The following DLG2 variants were observed in gnomAD, a reference collection of about 807,000 sequenced individuals.
DLG2 encodes disks large homolog 2.
A neutral mutation model predicts 132.5 loss-of-function variants in DLG2; 45 were observed. That is an observed-to-expected ratio of 0.34 (90% confidence interval 0.27 to 0.44). DLG2 has a LOEUF of 0.44. Among genes scored for constraint, DLG2 ranks in the 20% least tolerant of loss-of-function variants. DLG2 has a pLI of 1.00. For synonymous variants in DLG2, 424 were observed against 419.6 expected, an observed-to-expected ratio of 1.01 and a Z score of -0.13; for missense variants, 1,045 against 1,196.9, an observed-to-expected ratio of 0.87 and a Z score of 1.87.
intron 4 of DLG2, among the ~76,000 whole-genome samples, chr11:85,277,935 T>C (rs1268999139): frequency 6.6e-6 from 1 of 152,182 alleles, no homozygotes; most frequent in Non-Finnish European, 1.5e-5. Flanking sequence ...TGCCCCAGCA[T>C]AGCTGATAAT....
chr11:84,342,475 G>A (rs2098519736), intron 7 of DLG2, among the ~76,000 whole-genome samples: 1 of 152,202 alleles, frequency 6.6e-6, no homozygotes, highest in African/African-American at 2.4e-5. Flanking sequence ...CAGAGGTGGA[G>A]TGGAGAGTAC....
At position 84,361,328 on chromosome 11, in the gene DLG2, AAGC is replaced by A. The variant is rs200013375; in HGVS notation, c.520-110040_520-110038del. Reference sequence around the variant, plus strand: ...CCAAAGACAAAGTGAAAAATTTCAAAAGCAGCCAGAAAAGAAAAAGCTTACTTT... The same window carrying A: ...CCAAAGACAAAGTGAAAAATTTCAAAAGCCAGAAAAGAAAAAGCTTACTTT... On this transcript the variant is annotated intron_variant, in intron 7 of 27. Transcript: ENST00000376104. Among the ~76,000 whole-genome samples the A allele has an allele frequency of 7.7e-3, 1,170 of 152,070 alleles. 13 individuals are homozygous for A. Among genetic ancestry groups the A allele is most frequent in the Middle Eastern group, 0.014 (4 of 294 alleles).
At chr11:84,647,932 T>C (rs1237666496) in intron 6 of DLG2, among the ~76,000 whole-genome samples, 1 of 152,222 alleles carries the variant, frequency 6.6e-6, no homozygotes, top group Non-Finnish European at 1.5e-5. Context: ...TACCATGTGA[T>C]AGTTATGGTG....
At chr11:85,373,057 C>A (rs777336928) in intron 3 of DLG2, among the ~76,000 whole-genome samples, 1 of 152,176 alleles carries the variant, frequency 6.6e-6, no homozygotes, top group Non-Finnish European at 1.5e-5. Context: ...CCCTCAGATG[C>A]ATCCTCCAAA....
intron 17 of DLG2, among the ~76,000 whole-genome samples, chr11:83,807,605 A>G (rs1420145696): frequency 6.6e-6 from 1 of 152,132 alleles, no homozygotes; most frequent in Admixed American, 6.6e-5. Flanking sequence ...TCAGGAGAAC[A>G]GAAAAGAAAA....
intron 3 of DLG2, among the ~76,000 whole-genome samples, chr11:85,505,346 T>G (rs1487597206): frequency 6.6e-6 from 1 of 152,214 alleles, no homozygotes; most frequent in African/African-American, 2.4e-5. Flanking sequence ...AGTATGATAT[T>G]GGCTGTGGGT....
At chr11:83,825,890 C>T (rs553155625) in intron 17 of DLG2, among the ~76,000 whole-genome samples, 1 of 152,184 alleles carries the variant, frequency 6.6e-6, no homozygotes, top group Admixed American at 6.5e-5. Context: ...GGATGGGTGC[C>T]AGGGTTATGC....
chr11:84,902,208 A>G (rs2154071192), intron 6 of DLG2, among the ~76,000 whole-genome samples: 1 of 152,276 alleles, frequency 6.6e-6, no homozygotes, highest in African/African-American at 2.4e-5. Context: ...ATACTTGCTT[A>G]CAGTTACTAC....
At chr11:83,749,320 C>G (rs1401447400) in intron 18 of DLG2, among the ~76,000 whole-genome samples, 1 of 152,200 alleles carries the variant, frequency 6.6e-6, no homozygotes, top group Non-Finnish European at 1.5e-5. Context: ...TCCATTCAAA[C>G]TGCTCAAGCT....
intron 6 of DLG2, among the ~76,000 whole-genome samples, chr11:84,606,900 C>T (rs1275327712): frequency 6.6e-6 from 1 of 152,068 alleles, no homozygotes; most frequent in East Asian, 1.9e-4. Flanking sequence ...TTCCCTGGAC[C>T]CTCGCATGTA....
At chr11:84,688,701 G>A (rs11234129) in intron 6 of DLG2, among the ~76,000 whole-genome samples, 4,176 of 152,198 alleles carry the variant, frequency 0.027, 77 homozygotes, top group Non-Finnish European at 0.042. Flanking sequence ...TGCCTATAAT[G>A]TGCATCCTAC....
At chr11:83,666,861 T>C (rs1003540282) in intron 18 of DLG2, among the ~76,000 whole-genome samples, 11 of 152,128 alleles carry the variant, frequency 7.2e-5, no homozygotes, top group Non-Finnish European at 1.6e-4. Context: ...CTAGTTCTCA[T>C]CCAACCTCTA....
intron 6 of DLG2, among the ~76,000 whole-genome samples, chr11:84,948,882 A>G (rs2050568157): frequency 6.6e-6 from 1 of 152,188 alleles, no homozygotes; most frequent in Non-Finnish European, 1.5e-5. Context: ...TTGCTGCACA[A>G]TTTAAATGAG....
intron 9 of DLG2, among the ~76,000 whole-genome samples, chr11:84,146,269 G>A (rs1382202753): frequency 6.6e-6 from 1 of 152,114 alleles, no homozygotes; most frequent in Non-Finnish European, 1.5e-5. Flanking sequence ...TTACTCCATG[G>A]TGAAAGACAT....
chr11:83,899,971 T>TG (rs1318617433), intron 15 of DLG2, among the ~76,000 whole-genome samples: 1 of 152,176 alleles, frequency 6.6e-6, no homozygotes, highest in African/African-American at 2.4e-5. Flanking sequence ...GATAGTGATA[T>TG]GGACAAGAAA....
At chr11:83,838,407 GTGAAA>G (rs2056780683) in intron 16 of DLG2, among the ~76,000 whole-genome samples, 1 of 152,164 alleles carries the variant, frequency 6.6e-6, no homozygotes, top group Admixed American at 6.5e-5. Flanking sequence ...GTTTAGATTA[GTGAAA>G]TGAGACTACT....
chr11:84,811,383 A>G (rs115664861), intron 6 of DLG2, among the ~76,000 whole-genome samples: 153 of 152,326 alleles, frequency 1.0e-3, no homozygotes, highest in African/African-American at 3.3e-3. Flanking sequence ...AGAAAGTGCA[A>G]TAAGGACCTC....
rs868036142 is a variant in DLG2 at position 85,381,605 on chromosome 11, G to T, written c.41-96240C>A. Among the ~76,000 whole-genome samples the T allele has an allele frequency of 2.6e-5, 4 of 151,760 alleles. No individual in the cohort carries two copies. The South Asian group carries it at 8.3e-4, about 32-fold the overall frequency. On this transcript the variant is annotated intron_variant, in intron 3 of 27. Transcript: ENST00000376104. The stretch of plus-strand genomic sequence containing the variant: ...TGATCTCGTATATAGAAAATACTAA[G>T]GAATTCACACACAAAAAAGAAACTA...
rs527828957 is a variant in DLG2, at chr11:85,209,871, G to C, written c.187-55220C>G. Among the ~76,000 whole-genome samples, 3 of 151,898 alleles carry C rather than the reference G, an allele frequency of 2.0e-5. No homozygotes were observed. In the South Asian group the frequency reaches 6.2e-4, roughly 32 times the overall value. On this transcript the variant is annotated intron_variant, in intron 4 of 27. Transcript: ENST00000376104. Reference sequence around the variant, plus strand: ...CTCCTCTTCAGCTGCCTCCTTGCTGGTCCTCTGTCACACCAAGCAGACTCC... The same window carrying C: ...CTCCTCTTCAGCTGCCTCCTTGCTGCTCCTCTGTCACACCAAGCAGACTCC...
Sources: allele counts gnomAD v4.1 joint callset (sites outside exome capture counted in the v4.1 genomes callset), GRCh38; gene constraint gnomAD v4.1.1; transcripts MANE v1.5; gene names NCBI Gene and HGNC (gene_info 2026-07-23, HGNC 2026-07-21).